The following MAGI2 variants were observed in gnomAD, a reference collection of about 807,000 sequenced individuals.
The protein encoded by MAGI2 is membrane-associated guanylate kinase, WW and PDZ domain-containing protein 2.
Under a neutral mutation model 133.3 loss-of-function variants are expected in MAGI2, and 35 were observed. The observed-to-expected ratio is 0.26, with a 90% CI of 0.20 to 0.35. The LOEUF (loss-of-function observed/expected upper bound fraction) is 0.35. Among genes scored for constraint, MAGI2 ranks in the 10% least tolerant of loss-of-function variants. The pLI, the probability that MAGI2 is intolerant of heterozygous loss-of-function variation, is 1.00. For synonymous variants in MAGI2, 729 were observed against 710.6 expected (o/e 1.03, Z -0.41); for missense variants, 1,636 against 1,863.4 (o/e 0.88, Z 2.25).
At chr7:78,954,788 T>G (rs1377265714) in intron 2 of MAGI2, among the ~76,000 whole-genome samples, 1 of 152,140 alleles carries the variant, frequency 6.6e-6, no homozygotes. Context: ...TGATCATTCT[T>G]TTTTTAAAAA....
chr7:79,129,167 G>A (rs188995288), intron 1 of MAGI2, among the ~76,000 whole-genome samples: 7 of 152,190 alleles, frequency 4.6e-5, no homozygotes, highest in Admixed American at 3.3e-4. Context: ...ATGAGCCTAG[G>A]TCACCTCAAA....
At chr7:78,410,040 AAAG>A (rs1430597795) in intron 6 of MAGI2, among the ~76,000 whole-genome samples, 3 of 152,048 alleles carry the variant, frequency 2.0e-5, no homozygotes, top group Non-Finnish European at 2.9e-5. Flanking sequence ...GATTCCATGC[AAAG>A]AAGGAAAGCT....
chr7:78,548,077 A>G (rs1049582536), intron 3 of MAGI2, among the ~76,000 whole-genome samples: 2 of 151,722 alleles, frequency 1.3e-5, no homozygotes, highest in Non-Finnish European at 3.0e-5. Flanking sequence ...TCTCAAGCTC[A>G]TCGATTTTGC....
chr7:78,841,309 A>G (rs899754705), intron 2 of MAGI2, among the ~76,000 whole-genome samples: 1 of 151,800 alleles, frequency 6.6e-6, no homozygotes, highest in Non-Finnish European at 1.5e-5. Flanking sequence ...CAAACATGTG[A>G]CCCCTGGTCC....
At chr7:79,279,416 G>A (rs1040227690) in intron 1 of MAGI2, among the ~76,000 whole-genome samples, 1 of 152,158 alleles carries the variant, frequency 6.6e-6, no homozygotes, top group African/African-American at 2.4e-5. Flanking sequence ...AAATACATGT[G>A]TAGCCTGGAC....
intron 1 of MAGI2, chr7:79,452,765 G>A (rs1849371780): frequency 6.2e-6 from 3 of 481,132 alleles, no homozygotes; most frequent in Non-Finnish European, 1.1e-5. Flanking sequence ...GGTCAGACCA[G>A]GCCGAGCACC....
chr7:79,390,292 A>G (rs1585806558), intron 1 of MAGI2, among the ~76,000 whole-genome samples: 1 of 152,318 alleles, frequency 6.6e-6, no homozygotes, highest in Non-Finnish European at 1.5e-5. Context: ...CTTCAGGTAC[A>G]GTATTATTTT....
intron 2 of MAGI2, among the ~76,000 whole-genome samples, chr7:78,962,871 C>T (rs1802967616): frequency 6.6e-6 from 1 of 152,098 alleles, no homozygotes; most frequent in African/African-American, 2.4e-5. Context: ...TCATAACCTT[C>T]AAACACTAAT....
intron 20 of MAGI2, among the ~76,000 whole-genome samples, chr7:78,084,234 C>A (rs145432353): frequency 6.6e-6 from 1 of 152,196 alleles, no homozygotes; most frequent in African/African-American, 2.4e-5. Flanking sequence ...TCATGATGGA[C>A]TTAGCTATGG....
At chr7:79,025,451 C>T (rs1054691265) in intron 1 of MAGI2, among the ~76,000 whole-genome samples, 6 of 152,144 alleles carry the variant, frequency 3.9e-5, no homozygotes, top group African/African-American at 1.4e-4. Flanking sequence ...ACTCCTGTGA[C>T]ATGCAATTTA....
chr7:78,288,816 G>A (rs112600863), intron 9 of MAGI2, among the ~76,000 whole-genome samples: 19 of 152,314 alleles, frequency 1.2e-4, no homozygotes, highest in East Asian at 3.9e-4. Flanking sequence ...TGCAGCCTCC[G>A]CTGGTGATAC....
chr7:78,665,560 T>G (rs895831668), intron 2 of MAGI2, among the ~76,000 whole-genome samples: 1 of 152,186 alleles, frequency 6.6e-6, no homozygotes, highest in Non-Finnish European at 1.5e-5. Context: ...TCTGGACATA[T>G]ATTAGAAGGT....
At chr7:78,501,475 T>G (rs1045465444) in intron 5 of MAGI2, 102 bp downstream of exon 5, 10 of 1,031,400 alleles carry the variant, frequency 9.7e-6, no homozygotes, top group Non-Finnish European at 1.4e-5. Flanking sequence ...CAGAATTTCA[T>G]GTTTTTTTCT....
intron 1 of MAGI2, among the ~76,000 whole-genome samples, chr7:79,398,769 A>T (rs1845239683): frequency 1.3e-5 from 2 of 152,168 alleles, no homozygotes; most frequent in South Asian, 4.1e-4. Flanking sequence ...AAATACTGAG[A>T]TTATCTAATT....
chr7:79,219,330 G>A (rs1382204518), intron 1 of MAGI2, among the ~76,000 whole-genome samples: 1 of 151,902 alleles, frequency 6.6e-6, no homozygotes, highest in Non-Finnish European at 1.5e-5. Flanking sequence ...AATGGTAAAA[G>A]GAATATAAAA....
intron 9 of MAGI2, among the ~76,000 whole-genome samples, chr7:78,295,782 T>C (rs1394497395): frequency 2.0e-5 from 3 of 152,152 alleles, no homozygotes; most frequent in African/African-American, 4.8e-5. Flanking sequence ...TCCTGTAAAC[T>C]TCAGGCTCAA....
chr7:78,500,937 A>T (rs546681393), intron 5 of MAGI2, among the ~76,000 whole-genome samples: 89 of 152,196 alleles, frequency 5.8e-4, no homozygotes, highest in African/African-American at 2.1e-3. Context: ...AAAATACAAA[A>T]ATTAGCCAGG....
chr7:78,165,128 C>T lies in MAGI2; in HGVS notation c.2596+2788G>A, dbSNP rs930154200. Among the ~76,000 whole-genome samples the T allele has an allele frequency of 7.9e-5, 12 of 152,244 alleles. No homozygotes were observed. The South Asian group carries it at 1.5e-3, about 18-fold the overall frequency. On this transcript the variant is annotated intron_variant, in intron 15 of 21. Transcript: ENST00000354212. ...TAAAAGAAAAATTGGAAGCACTACCCGATAGCCTCTTCCTTTACTCAACAA... is the reference window on the plus strand; with the variant it reads ...TAAAAGAAAAATTGGAAGCACTACCTGATAGCCTCTTCCTTTACTCAACAA...
chr7:79,431,389 GATAAT>G (rs2129187008), intron 1 of MAGI2, among the ~76,000 whole-genome samples: 1 of 152,236 alleles, frequency 6.6e-6, no homozygotes, highest in South Asian at 2.1e-4. Context: ...CATTTAAAGT[GATAAT>G]ATAATAAACT....
Sources: allele counts gnomAD v4.1 joint callset (sites outside exome capture counted in the v4.1 genomes callset), GRCh38; gene constraint gnomAD v4.1.1; transcripts MANE v1.5; gene names NCBI Gene and HGNC (gene_info 2026-07-23, HGNC 2026-07-21).